The following KLHL1 variants were observed in gnomAD, a reference collection of about 807,000 sequenced individuals.
The protein encoded by KLHL1 is kelch-like protein 1.
Under a neutral mutation model 77.7 loss-of-function variants are expected in KLHL1, and 47 were observed. The observed-to-expected ratio is 0.60, with a 90% confidence interval of 0.48 to 0.77. KLHL1 has a LOEUF of 0.77. Among genes scored for constraint, KLHL1 ranks in the 30% least tolerant of loss-of-function variants. The pLI, the probability that KLHL1 is intolerant of heterozygous loss-of-function variation, is 0.00. For synonymous variants in KLHL1, 360 were observed against 325.2 expected, an observed-to-expected ratio of 1.11 and a Z score of -1.15; for missense variants, 925 against 910.8, an observed-to-expected ratio of 1.02 and a Z score of -0.20.
At chr13:70,053,945 GTTC>G (rs1432373574) in intron 1 of KLHL1, among the ~76,000 whole-genome samples, 19 of 152,256 alleles carry the variant, frequency 1.2e-4, no homozygotes, top group African/African-American at 4.1e-4. Context: ...TAAAGTCTCA[GTTC>G]TTCTGTCTGC....
intron 1 of KLHL1, among the ~76,000 whole-genome samples, chr13:70,013,139 T>A (rs1885577893): frequency 6.6e-6 from 1 of 152,024 alleles, no homozygotes; most frequent in African/African-American, 2.4e-5. Context: ...TCTATTTATT[T>A]AGAAGGAAAT....
At chr13:69,877,606 T>C (rs1312805849) in intron 5 of KLHL1, among the ~76,000 whole-genome samples, 1 of 152,176 alleles carries the variant, frequency 6.6e-6, no homozygotes, top group African/African-American at 2.4e-5. Flanking sequence ...TAACTTATTT[T>C]TTTAAATAGT....
intron 1 of KLHL1, among the ~76,000 whole-genome samples, chr13:70,100,381 C>T (rs1451861327): frequency 5.9e-5 from 9 of 152,066 alleles, no homozygotes; most frequent in African/African-American, 9.7e-5. Flanking sequence ...TATCCTGCCA[C>T]GTTGCTAAGC....
chr13:69,732,408 A>C (rs1358271234), intron 8 of KLHL1, among the ~76,000 whole-genome samples: 3 of 152,114 alleles, frequency 2.0e-5, no homozygotes, highest in African/African-American at 4.8e-5. Flanking sequence ...AAGAATGAGA[A>C]GTAGGCTTCA....
At chr13:70,103,814 T>G (rs769057860) in intron 1 of KLHL1, among the ~76,000 whole-genome samples, 11 of 152,116 alleles carry the variant, frequency 7.2e-5, no homozygotes, top group Non-Finnish European at 1.3e-4. Context: ...AAGCTCAATT[T>G]TGTACATGTT....
chr13:69,947,383 A>C (rs552813314), intron 3 of KLHL1, among the ~76,000 whole-genome samples: 2 of 152,206 alleles, frequency 1.3e-5, no homozygotes, highest in African/African-American at 4.8e-5. Context: ...TTTACTTCCC[A>C]GATCAACACT....
chr13:69,861,475 T>G (rs538227019), intron 5 of KLHL1, among the ~76,000 whole-genome samples: 1 of 152,224 alleles, frequency 6.6e-6, no homozygotes, highest in South Asian at 2.1e-4. Context: ...GATTTCATAT[T>G]GATGTTTATC....
chr13:69,718,945 A>T, intron 9 of KLHL1, among the ~76,000 whole-genome samples: 1 of 152,186 alleles, frequency 6.6e-6, no homozygotes, highest in East Asian at 1.9e-4. Context: ...GTAGTAAAAC[A>T]AACAAGAACA....
rs1316398623 is a variant in KLHL1, at chr13:69,818,219, C to CTTTT, written c.1414+20753_1414+20756dup. On this transcript the variant is annotated intron_variant, in intron 6 of 10. Transcript: ENST00000377844. The stretch of plus-strand genomic sequence containing the variant: ...AGAATTTAACTTAACTCATAGGCAT[C>CTTTT]TTTTTTTTTTTTTTTTTTTTGAGAC... 1.0e-3 allele frequency among the ~76,000 whole-genome samples: 115 copies of CTTTT among 112,882 alleles called. 9 individuals carry two copies. The highest frequency in any genetic ancestry group is 3.7e-3 in the African/African-American group (94 of 25,108). 74.1% of individuals were successfully genotyped at this position (112,882 alleles called of 152,430 possible).
Position 69,700,749 on chromosome 13 carries a change from G to A in KLHL1, c.*953C>T, listed in dbSNP as rs1379367540. The A allele has an allele frequency of 1.3e-5, 2 of 152,296 alleles. No homozygotes were observed. The highest frequency in any genetic ancestry group is 2.9e-5 in the Non-Finnish European group (2 of 67,856). 9.4% of individuals were successfully genotyped at this position (152,296 alleles called of 1,614,324 possible). A position where few individuals can be genotyped will look rare whatever the true frequency, so the allele number is the denominator to read the frequency against. ...TCAATGTAACAAGTTTGAAAAATGG[G>A]CGATGAGAATATGAAGTCTGCCTTC... On this transcript the variant is annotated 3_prime_UTR_variant, in exon 11 of 11. Transcript: ENST00000377844.
chr13:70,097,412 T>C (rs902923541), intron 1 of KLHL1, among the ~76,000 whole-genome samples: 1 of 152,008 alleles, frequency 6.6e-6, no homozygotes, highest in Non-Finnish European at 1.5e-5. Context: ...TAGAATCTCT[T>C]CTGTAATAAA....
rs758059208 is a variant in KLHL1, at chr13:69,719,608, T to C, written c.1803-27A>G. ...TAAAAACACAATTGGAAAAATGTGA[T>C]TTAATATCATAGTCTGGATGACAAA... On this transcript the variant is annotated intron_variant, in intron 8 of 10. Transcript: ENST00000377844. 1.2e-5 allele frequency: 19 copies of C among 1,563,396 alleles called. No homozygotes were observed. The South Asian group carries it at 2.1e-4, about 17-fold the overall frequency.
intron 6 of KLHL1, among the ~76,000 whole-genome samples, chr13:69,809,714 A>T (rs1410327837): frequency 1.3e-5 from 2 of 152,138 alleles, no homozygotes; most frequent in Admixed American, 1.3e-4. Flanking sequence ...TTGAATATAA[A>T]CAGTCTAAAC....
intron 7 of KLHL1, among the ~76,000 whole-genome samples, chr13:69,756,176 T>A (rs988935913): frequency 2.6e-5 from 4 of 152,138 alleles, no homozygotes; most frequent in African/African-American, 9.7e-5. Context: ...GTTAATAGTC[T>A]TTGTCACACC....
intron 2 of KLHL1, among the ~76,000 whole-genome samples, chr13:69,967,509 G>C (rs559384152): frequency 6.6e-6 from 1 of 152,278 alleles, no homozygotes; most frequent in African/African-American, 2.4e-5. Flanking sequence ...TAATAGATGA[G>C]CAAAGAAAAT....
chr13:70,097,935 T>C (rs1206305147), intron 1 of KLHL1, among the ~76,000 whole-genome samples: 2 of 151,632 alleles, frequency 1.3e-5, no homozygotes, highest in Admixed American at 6.6e-5. Flanking sequence ...GTGAAAAATA[T>C]TGTCAGATTA....
chr13:69,727,443 T>C (rs1873350546), intron 8 of KLHL1, among the ~76,000 whole-genome samples: 1 of 152,070 alleles, frequency 6.6e-6, no homozygotes, highest in South Asian at 2.1e-4. Flanking sequence ...AAGGGGAATC[T>C]AGGCAGAAAC....
At chr13:69,709,944 TCA>T (rs1257120649) in intron 9 of KLHL1, among the ~76,000 whole-genome samples, 1 of 151,896 alleles carries the variant, frequency 6.6e-6, no homozygotes, top group Non-Finnish European at 1.5e-5. Flanking sequence ...CACCATCCTG[TCA>T]CACAAGCAGT....
rs911546587 is a variant in KLHL1, at chr13:69,855,841, GTATTATATATGTTATATAATATATTATA to G, written c.1228-16707_1228-16680del. 2.4e-4 allele frequency among the ~76,000 whole-genome samples: 31 copies of G among 131,690 alleles called. No individual in the cohort carries two copies. The South Asian group carries it at 3.9e-3, about 17-fold the overall frequency. 86.4% of individuals were successfully genotyped at this position (131,690 alleles called of 152,430 possible). The stretch of plus-strand genomic sequence containing the variant: ...ATATATAGAAAATATTATATATACG[GTATTATATATGTTATATAATATATTATA>G]TATTATATATGTTATATAATATACA... On this transcript the variant is annotated intron_variant, in intron 5 of 10. Transcript: ENST00000377844.
Sources: gnomAD v4.1 joint callset for allele counts (sites outside exome capture counted in the v4.1 genomes callset) on GRCh38, gnomAD v4.1.1 for gene constraint, MANE v1.5 for transcripts, NCBI Gene and HGNC (gene_info 2026-07-23, HGNC 2026-07-21) for gene names.